Variants in KLRG2 observed in about 807,000 individuals in gnomAD.
The protein encoded by KLRG2 is killer cell lectin-like receptor subfamily G member 2.
Under a neutral mutation model 35.4 loss-of-function variants are expected in KLRG2, and 39 were observed. That is an observed-to-expected ratio of 1.10 (90% confidence interval 0.85 to 1.44). KLRG2 has a LOEUF of 1.44. Ranked by LOEUF, KLRG2 falls within the 40% of genes most tolerant of loss-of-function variation. The probability of loss-of-function intolerance (pLI) is 0.00; values close to 1 mark genes in which losing one functional copy is unlikely to be tolerated. For missense variants in KLRG2, 632 were observed against 570.9 expected, an observed-to-expected ratio of 1.11 and a Z score of -1.09; for synonymous variants, 283 against 265.8, an observed-to-expected ratio of 1.06 and a Z score of -0.63.
At chr7:139,476,303 G>A (rs953078203) in intron 3 of KLRG2, among the ~76,000 whole-genome samples, 5 of 152,114 alleles carry the variant, frequency 3.3e-5, no homozygotes, top group Admixed American at 2.6e-4. Context: ...ATCCCACGGA[G>A]GAGGGAGGCA....
At chr7:139,475,612 T>C (rs1466684801) in intron 3 of KLRG2, among the ~76,000 whole-genome samples, 1 of 152,008 alleles carries the variant, frequency 6.6e-6, no homozygotes, top group Non-Finnish European at 1.5e-5. Context: ...GAATCTCCTG[T>C]GCTTGGGACT....
At chr7:139,457,128 T>C (rs561396636) in intron 3 of KLRG2, among the ~76,000 whole-genome samples, 47 of 152,020 alleles carry the variant, frequency 3.1e-4, no homozygotes, top group Admixed American at 6.6e-4. Flanking sequence ...CCAGAGTGCA[T>C]AGGAAAATGG....
At chr7:139,440,697 C>T in the KLRG2 span, among the ~76,000 whole-genome samples, 1 of 152,020 alleles carries the variant, frequency 6.6e-6, no homozygotes, top group South Asian at 2.1e-4. Flanking sequence ...TGATCCTTCC[C>T]CTTCGGCCTC....
chr7:139,431,277 G>T, the KLRG2 span, among the ~76,000 whole-genome samples: 1 of 152,226 alleles, frequency 6.6e-6, no homozygotes, highest in Non-Finnish European at 1.5e-5. Flanking sequence ...TAATGGCAGA[G>T]AGGGAACTTT....
chr7:139,453,751 C>T (rs1007262362), intron 4 of KLRG2, 44 bp from the exon 5 acceptor site: 27 of 1,611,044 alleles, frequency 1.7e-5, no homozygotes, highest in Non-Finnish European at 2.2e-5. Context: ...GTTTAGGGTG[C>T]CGGGGCCTTG....
At chr7:139,478,201 C>T (rs994033146) in intron 3 of KLRG2, among the ~76,000 whole-genome samples, 11 of 150,966 alleles carry the variant, frequency 7.3e-5, no homozygotes, top group African/African-American at 2.7e-4. Flanking sequence ...AGACTTGTGT[C>T]TCTACAAAAA....
At position 139,453,513 on chromosome 7, in the gene KLRG2, C is replaced by T; in HGVS notation, c.*74G>A. 1.3e-6 allele frequency: 2 copies of T among 1,501,976 alleles called. No homozygotes were observed. The highest frequency in any genetic ancestry group is 1.8e-6 in the Non-Finnish European group (2 of 1,114,220). The allele number at this position is 1,501,976 out of a possible 1,614,324, so 93.0% of individuals were successfully genotyped here. ...TAACTGGGTCCAGGAAGAGGCTGCCCAAGCTCTCAACTGGCCTCCCCTGTA... is the reference window on the plus strand; with the variant it reads ...TAACTGGGTCCAGGAAGAGGCTGCCTAAGCTCTCAACTGGCCTCCCCTGTA... On this transcript the variant is annotated 3_prime_UTR_variant, in exon 5 of 5. Transcript: ENST00000340940.
chr7:139,433,000 C>T, the KLRG2 span, among the ~76,000 whole-genome samples: 1 of 152,158 alleles, frequency 6.6e-6, no homozygotes, highest in East Asian at 1.9e-4. Context: ...ATAGTCCCCG[C>T]TTCTCAAGAT....
At chr7:139,459,182 T>C (rs1433035829) in intron 3 of KLRG2, among the ~76,000 whole-genome samples, 1 of 152,208 alleles carries the variant, frequency 6.6e-6, no homozygotes, top group Non-Finnish European at 1.5e-5. Context: ...TGTTTCCAAT[T>C]TGGATAGTTA....
chr7:139,449,892 A>G (rs189215522), downstream of KLRG2, among the ~76,000 whole-genome samples: 1,438 of 147,728 alleles, frequency 9.7e-3, 4 homozygotes, highest in Middle Eastern at 0.036. Context: ...TAGTAGAGAC[A>G]GGGTTTCATC....
In KLRG2 at chr7:139,463,979, G is replaced by A. The variant is rs561394973; in HGVS notation, c.1006-9765C>T. Among the ~76,000 whole-genome samples, 11 of 152,264 alleles carry A rather than the reference G, an allele frequency of 7.2e-5. No homozygotes were observed. In the South Asian group the frequency reaches 1.5e-3, roughly 20 times the overall value. ...AGACCTCTTAAAACTCCCCAACTCT[G>A]ATGCTAGCTTGGACAATATTCTTTT... On this transcript the variant is annotated intron_variant, in intron 3 of 4. Coordinates refer to ENST00000340940, the MANE Select transcript of KLRG2 (RefSeq NM_198508.4).
the KLRG2 span, among the ~76,000 whole-genome samples, chr7:139,430,052 T>C: frequency 6.6e-6 from 1 of 152,174 alleles, no homozygotes; most frequent in Non-Finnish European, 1.5e-5. Context: ...AAATAAAATA[T>C]TCAGATGGCC....
chr7:139,475,516 G>A (rs1179506884), intron 3 of KLRG2, among the ~76,000 whole-genome samples: 2 of 144,686 alleles, frequency 1.4e-5, no homozygotes, highest in East Asian at 3.9e-4. Context: ...GGGTGACAGC[G>A]CAAGACTCTA....
rs763244898 is a variant in KLRG2, at chr7:139,483,470, G to A, written c.173C>T (p.Ala58Val). The change falls in exon 1 of 5, where the codon GCG becomes GTG. Residue 58 changes from alanine to valine, a missense_variant. By Grantham distance (64) the Ala-to-Val change is moderately conservative. Coordinates refer to ENST00000340940, the MANE Select transcript of KLRG2 (RefSeq NM_198508.4). ...PSPAGAVEKA[A>V]GAGLEPSSKK... ...GCTCGAGGGCTCCAGGCCTGCGCCC[G>A]CCGCCTTCTCCACGGCCCCGGCCGG... The A allele has an allele frequency of 3.1e-6, 5 of 1,590,812 alleles. No individual in the cohort carries two copies. In the African/African-American group the frequency reaches 4.1e-5, roughly 13 times the overall value.
chr7:139,454,308 T>G (rs1308101360), intron 3 of KLRG2, 94 bp from the exon 4 acceptor site: 6 of 689,664 alleles, frequency 8.7e-6, no homozygotes, highest in Non-Finnish European at 1.5e-5. Flanking sequence ...GGATCCCAGC[T>G]GGCCAATCCA....
the KLRG2 span, among the ~76,000 whole-genome samples, chr7:139,446,011 T>G: frequency 6.6e-6 from 1 of 151,704 alleles, no homozygotes; most frequent in Non-Finnish European, 1.5e-5. Context: ...TTTTGTATTT[T>G]TAGTAGAAAC....
intron 3 of KLRG2, among the ~76,000 whole-genome samples, chr7:139,478,364 CAAA>C (rs35355853): frequency 1.3e-4 from 12 of 95,376 alleles, no homozygotes; most frequent in South Asian, 3.7e-4. Context: ...GGACCTGTTT[CAAA>C]AAAAAAAAAA....
the KLRG2 span, among the ~76,000 whole-genome samples, chr7:139,443,941 G>T: frequency 6.6e-6 from 1 of 152,178 alleles, no homozygotes; most frequent in Non-Finnish European, 1.5e-5. Context: ...CAAAAATAGG[G>T]AAGCCGACAG....
the KLRG2 span, among the ~76,000 whole-genome samples, chr7:139,446,246 C>T: frequency 6.6e-6 from 1 of 151,700 alleles, no homozygotes; most frequent in African/African-American, 2.4e-5. Context: ...CAGAAGTCTG[C>T]AGTCTCACTG....
Sources: allele counts gnomAD v4.1 joint callset (sites outside exome capture counted in the v4.1 genomes callset), GRCh38; gene constraint gnomAD v4.1.1; transcripts MANE v1.5; gene names NCBI Gene and HGNC (gene_info 2026-07-23, HGNC 2026-07-21).